DDX18: variants seen among roughly 807,000 people sequenced by gnomAD.
DDX18 encodes the protein DEAD-box helicase 18, also known as ATP-dependent RNA helicase DDX18.
DDX18 carries 23 observed loss-of-function variants against 73.5 expected under a neutral mutation model. The observed-to-expected ratio is 0.31, with a 90% CI of 0.23 to 0.44. The LOEUF is 0.44. DDX18 is among the 20% of genes least tolerant of loss of function. The pLI, the probability that DDX18 is intolerant of heterozygous loss-of-function variation, is 1.00. For missense variants in DDX18, 753 were observed against 792.9 expected, an observed-to-expected ratio of 0.95 and a Z score of 0.60; for synonymous variants, 268 against 282.7, an observed-to-expected ratio of 0.95 and a Z score of 0.52.
At chr2:117,822,491 A>G in intron 7 of DDX18, 1 of 428,022 alleles carries the variant, frequency 2.3e-6, no homozygotes, top group East Asian at 5.1e-5. Context: ...GTCTTCACAT[A>G]GGTCCTGTCC....
chr2:117,820,769 T>C (rs888125430), intron 3 of DDX18, among the ~76,000 whole-genome samples: 1 of 152,102 alleles, frequency 6.6e-6, no homozygotes, highest in Non-Finnish European at 1.5e-5. Flanking sequence ...AACAGGTTTT[T>C]TTTTTATTAT....
Position 117,825,485 on chromosome 2 carries a change from C to T in DDX18, c.1407C>T (p.Phe469=), listed in dbSNP as rs1166083927. 1.2e-6 allele frequency: 2 copies of T among 1,614,082 alleles called. No individual in the cohort carries two copies. Among genetic ancestry groups the T allele is most frequent in the South Asian group, 1.1e-5 (1 of 91,088 alleles). Residue 469 remains phenylalanine (F), a synonymous_variant, in exon 10 of 14, where the codon TTC becomes TTT. Transcript: ENST00000263239. ...QKQNKRTTTF[F]QFCNADSGTL... The stretch of plus-strand genomic sequence containing the variant: ...AAAATAAGCGTACAACCACATTCTT[C>T]CAGTTCTGCAATGCAGATTCGGGAA...
intron 12 of DDX18, 105 bp downstream of exon 12, chr2:117,829,110 TA>T: frequency 8.4e-7 from 1 of 1,186,194 alleles, no homozygotes; most frequent in Non-Finnish European, 1.2e-6. Flanking sequence ...TACCCTGTCC[TA>T]AAGTGAGGAT....
chr2:117,824,546 AT>A, intron 7 of DDX18, 22 bp from the exon 8 acceptor site: 1 of 1,352,436 alleles, frequency 7.4e-7, no homozygotes, highest in East Asian at 2.7e-5. Context: ...GATTGGGGTT[AT>A]TTTTATATGT....
At chr2:117,830,525 A>T in intron 13 of DDX18, 57 bp from the exon 14 acceptor site, 1 of 1,588,144 alleles carries the variant, frequency 6.3e-7, no homozygotes, top group Non-Finnish European at 8.6e-7. Flanking sequence ...CTCTGTGTAG[A>T]TGTTAGATTG....
intron 2 of DDX18, among the ~76,000 whole-genome samples, chr2:117,817,942 T>A (rs763861211): frequency 2.4e-4 from 36 of 152,228 alleles, no homozygotes; most frequent in Admixed American, 1.0e-3. Context: ...ATATTTTTAA[T>A]TTCACTAACC....
intron 13 of DDX18, among the ~76,000 whole-genome samples, chr2:117,830,284 C>T (rs1679999463): frequency 6.6e-6 from 1 of 152,124 alleles, no homozygotes; most frequent in Non-Finnish European, 1.5e-5. Flanking sequence ...CTACCAACTT[C>T]CTGATTAAAC....
Position 117,817,930 on chromosome 2 carries a change from A to G in DDX18, c.370+202A>G, listed in dbSNP as rs532028862. Among the ~76,000 whole-genome samples the G allele has an allele frequency of 4.8e-4, 73 of 152,332 alleles. 2 individuals carry two copies. In the South Asian group the frequency reaches 0.014, roughly 29 times the overall value. ...TCAACTTTTCTCAAAATATTGAGGA[A>G]TATATTTTTAATTTCACTAACCTTG... On this transcript the variant is annotated intron_variant, in intron 2 of 13. Coordinates refer to ENST00000263239, the MANE Select transcript of DDX18 (RefSeq NM_006773.4).
In DDX18 at chr2:117,821,760, C is replaced by G. The variant is rs138396618; in HGVS notation, c.751+10C>G. ...TTCATGCCCAGGAATGGTAAGCGTT[C>G]ATCTGCTTGTTTCTGCCATTATTTC... On this transcript the variant is annotated intron_variant, in intron 5 of 13. Transcript: ENST00000263239. The G allele has an allele frequency of 6.9e-4, 1,107 of 1,613,840 alleles. 8 individuals carry two copies. In the African/African-American group the frequency reaches 0.012, roughly 18 times the overall value.
Position 117,817,544 on chromosome 2 carries a change from T to C in DDX18, c.186T>C (p.Asn62=). ...KVKKSKQKPM[N]VGLSETQNGG... Reference sequence around the variant, plus strand: ...AAAAATCAAAACAAAAGCCCATGAATGTGGGCTTATCAGAAACTCAAAATG... The same window carrying C: ...AAAAATCAAAACAAAAGCCCATGAACGTGGGCTTATCAGAAACTCAAAATG... Residue 62 remains asparagine, a synonymous_variant, in exon 2 of 14, where the codon AAT becomes AAC. Coordinates refer to ENST00000263239, the MANE Select transcript of DDX18 (RefSeq NM_006773.4). The C allele has an allele frequency of 1.9e-6, 3 of 1,613,824 alleles. No homozygotes were observed. Among genetic ancestry groups the C allele is most frequent in the Non-Finnish European group, 2.5e-6 (3 of 1,179,870 alleles).
intron 7 of DDX18, chr2:117,822,906 T>C (rs933568548): frequency 8.5e-5 from 13 of 152,642 alleles, no homozygotes; most frequent in Non-Finnish European, 1.8e-4. Context: ...ATAAAGTTGC[T>C]GTGAACAGTC....
rs761525506 is a variant in DDX18 at position 117,830,689 on chromosome 2, A to G, written c.1978A>G (p.Lys660Glu). 1 of 1,613,742 alleles carries G rather than the reference A, an allele frequency of 6.2e-7. No individual in the cohort carries two copies. The highest frequency in any genetic ancestry group is 8.5e-7 in the Non-Finnish European group (1 of 1,179,782). Residue 660 changes from lysine (K) to glutamate (E), a missense_variant, in exon 14 of 14, where the codon AAG becomes GAG. Transcript: ENST00000263239. ...ATCCAAAATCTTTAAACACATTAGC[A>G]AGAAATCATCTGACAGCAGGCAGTT... is the stretch of plus-strand genomic sequence containing the variant. ...EKSKIFKHIS[K>E]KSSDSRQFSH is the part of the protein sequence containing the mutation.
chr2:117,824,651 A>G lies in DDX18; in HGVS notation c.1149A>G (p.Pro383=). The change falls in exon 8 of 14, where the codon CCA becomes CCG. Residue 383 remains proline (P), a synonymous_variant. Coordinates refer to ENST00000263239, the MANE Select transcript of DDX18 (RefSeq NM_006773.4). ...CAAGGATTTCTCTGAAAAAGGAGCC[A>G]TTGTATGTTGGCGTTGATGATGATA... ...DLARISLKKE[P]LYVGVDDDKA... 6.7e-7 allele frequency: 1 copy of G among 1,497,702 alleles called. No homozygotes were observed. The highest frequency in any genetic ancestry group is 1.4e-5 in the South Asian group (1 of 69,760). 92.8% of individuals were successfully genotyped at this position (1,497,702 alleles called of 1,614,324 possible).
intron 10 of DDX18, chr2:117,825,815 T>TA (rs1282993178): frequency 6.0e-6 from 3 of 501,424 alleles, no homozygotes; most frequent in Non-Finnish European, 1.0e-5. Flanking sequence ...GGACTTAAGT[T>TA]ATGAAAATGA....
chr2:117,828,629 T>G, intron 11 of DDX18: 1 of 234,038 alleles, frequency 4.3e-6, no homozygotes, highest in South Asian at 7.8e-5. Context: ...GAAAAGGGGC[T>G]GATGGCCCTT....
At chr2:117,827,118 AC>A (rs1321469831) in intron 11 of DDX18, 1 of 152,264 alleles carries the variant, frequency 6.6e-6, no homozygotes, top group Non-Finnish European at 1.5e-5. Context: ...CCTGACATTT[AC>A]ATCCTCATTG....
chr2:117,822,270 G>T lies in DDX18; in HGVS notation c.1066+9G>T. 3 of 1,600,534 alleles carry T rather than the reference G, an allele frequency of 1.9e-6. No homozygotes were observed. The highest frequency in any genetic ancestry group is 2.2e-5 in the South Asian group (2 of 90,624). On this transcript the variant is annotated intron_variant, in intron 7 of 13. Coordinates refer to ENST00000263239, the MANE Select transcript of DDX18 (RefSeq NM_006773.4). ...TATTAAACTTTTGCCAAGTAAGTAGGTAGCATCTGCATTTGGTTTGCAAAG... is the reference window on the plus strand; with the variant it reads ...TATTAAACTTTTGCCAAGTAAGTAGTTAGCATCTGCATTTGGTTTGCAAAG...
chr2:117,826,696 C>G, intron 11 of DDX18: 1 of 313,252 alleles, frequency 3.2e-6, no homozygotes. Context: ...GTCATCTCTG[C>G]TTCTGCTCCC....
In DDX18 at chr2:117,814,904, C is replaced by T. The variant is rs371634036; in HGVS notation, c.85+42C>T. On this transcript the variant is annotated intron_variant, in intron 1 of 13. Coordinates refer to ENST00000263239, the MANE Select transcript of DDX18 (RefSeq NM_006773.4). Reference sequence around the variant, plus strand: ...CGCGGTGGCTCAGAAGACCCACGCGCGAGCCCTGGCGCGTTCGGGCGGCCG... The same window carrying T: ...CGCGGTGGCTCAGAAGACCCACGCGTGAGCCCTGGCGCGTTCGGGCGGCCG... 5 of 1,607,922 alleles carry T rather than the reference C, an allele frequency of 3.1e-6. No individual in the cohort carries two copies. The African/African-American group carries it at 5.3e-5, about 17-fold the overall frequency.
Sources: gnomAD v4.1 joint callset for allele counts (sites outside exome capture counted in the v4.1 genomes callset) on GRCh38, gnomAD v4.1.1 for gene constraint, MANE v1.5 for transcripts, NCBI Gene and HGNC (gene_info 2026-07-23, HGNC 2026-07-21) for gene names.